TBC1D22A: variants seen among roughly 807,000 people sequenced by gnomAD.
The protein encoded by TBC1D22A is putative GTPase activator.
A neutral mutation model predicts 60.2 loss-of-function variants in TBC1D22A; 38 were observed. The observed-to-expected ratio is 0.63, with a 90% confidence interval of 0.49 to 0.83. TBC1D22A has a LOEUF of 0.83. Ranked by LOEUF, TBC1D22A falls within the 40% of genes least tolerant of loss-of-function variation. TBC1D22A has a pLI of 0.00. For synonymous variants in TBC1D22A, 302 were observed against 281.7 expected (o/e 1.07, Z -0.72); for missense variants, 628 against 701.0 (o/e 0.90, Z 1.18).
chr22:46,948,107 G>A (rs1286082976), intron 8 of TBC1D22A, among the ~76,000 whole-genome samples: 3 of 152,190 alleles, frequency 2.0e-5, no homozygotes, highest in African/African-American at 7.2e-5. Context: ...TGGGGTATTA[G>A]AGGCGAACAG....
intron 4 of TBC1D22A, among the ~76,000 whole-genome samples, chr22:46,815,928 G>T (rs2085576674): frequency 6.6e-6 from 1 of 152,138 alleles, no homozygotes; most frequent in Admixed American, 6.5e-5. Context: ...TGGAGCCCGT[G>T]GGGTATACCT....
intron 6 of TBC1D22A, 21 bp from the exon 7 acceptor site, chr22:46,894,763 C>G (rs770505450): frequency 6.2e-7 from 1 of 1,614,050 alleles, no homozygotes; most frequent in South Asian, 1.1e-5. Flanking sequence ...ACATAAATGT[C>G]CGTTTCTCCT....
intron 12 of TBC1D22A, among the ~76,000 whole-genome samples, chr22:47,145,253 A>T (rs1001373877): frequency 6.6e-6 from 1 of 152,110 alleles, no homozygotes; most frequent in Non-Finnish European, 1.5e-5. Flanking sequence ...CTCTGTGGAG[A>T]GGCTCGGCGT....
chr22:47,111,567 A>AAAATAC lies in TBC1D22A; in HGVS notation c.1389_1390insAAATAC (p.Arg463_Trp464insLysTyr). Reference sequence around the variant, plus strand: ...ACGTGTGCGCTGCTTTTCTCGTGAGATGGAGGAAGGAAATACTAGAAGAAA... The same window carrying AAAATAC: ...ACGTGTGCGCTGCTTTTCTCGTGAGAAAATACTGGAGGAAGGAAATACTAGAAGAAA... On this transcript the variant is annotated inframe_insertion, in exon 12 of 13. Transcript: ENST00000337137. 4 of 1,614,068 alleles carry AAAATAC rather than the reference A, an allele frequency of 2.5e-6. No individual in the cohort carries two copies. Among genetic ancestry groups the AAAATAC allele is most frequent in the Non-Finnish European group, 3.4e-6 (4 of 1,180,014 alleles).
At chr22:47,076,650 C>G (rs2064239568) in intron 11 of TBC1D22A, among the ~76,000 whole-genome samples, 1 of 151,976 alleles carries the variant, frequency 6.6e-6, no homozygotes, top group Admixed American at 6.6e-5. Flanking sequence ...CTTGTTCTCC[C>G]TCCCATTTTT....
At chr22:47,031,815 G>A (rs1181518258) in intron 10 of TBC1D22A, among the ~76,000 whole-genome samples, 2 of 152,110 alleles carry the variant, frequency 1.3e-5, no homozygotes, top group African/African-American at 4.8e-5. Context: ...CAGGTTAGCC[G>A]GCCATTGCAC....
chr22:47,133,501 C>T (rs1601620295), intron 12 of TBC1D22A, among the ~76,000 whole-genome samples: 1 of 152,188 alleles, frequency 6.6e-6, no homozygotes, highest in African/African-American at 2.4e-5. Context: ...TTTTGATTTT[C>T]ACTCCCAATG....
intron 3 of TBC1D22A, among the ~76,000 whole-genome samples, chr22:46,794,628 GGACA>G (rs1222471664): frequency 6.6e-6 from 1 of 150,580 alleles, no homozygotes; most frequent in Non-Finnish European, 1.5e-5. Context: ...CTGGTGAGAG[GGACA>G]GATGCAGCAC....
chr22:47,123,131 A>C (rs553490685), intron 12 of TBC1D22A, among the ~76,000 whole-genome samples: 10 of 152,118 alleles, frequency 6.6e-5, no homozygotes, highest in Non-Finnish European at 1.3e-4. Context: ...TCCGTCTGCC[A>C]AGACTTTGGG....
chr22:47,168,006 C>T (rs540482219), intron 12 of TBC1D22A, among the ~76,000 whole-genome samples: 2 of 152,330 alleles, frequency 1.3e-5, no homozygotes, highest in South Asian at 2.1e-4. Flanking sequence ...GAAACTGAGG[C>T]ATGGAGGGTT....
intron 10 of TBC1D22A, among the ~76,000 whole-genome samples, chr22:47,015,557 G>A (rs899514456): frequency 4.6e-5 from 7 of 152,216 alleles, no homozygotes; most frequent in Non-Finnish European, 1.0e-4. Context: ...TGAGCACAGA[G>A]AGCTCCAGAA....
chr22:47,069,584 C>G (rs1181186708), intron 11 of TBC1D22A, among the ~76,000 whole-genome samples: 1 of 152,272 alleles, frequency 6.6e-6, no homozygotes, highest in Non-Finnish European at 1.5e-5. Context: ...TGGAGCGGAG[C>G]TGACCTGACG....
intron 11 of TBC1D22A, among the ~76,000 whole-genome samples, chr22:47,056,293 T>A (rs1242418529): frequency 6.6e-6 from 1 of 151,996 alleles, no homozygotes; most frequent in African/African-American, 2.4e-5. Flanking sequence ...GCTTGCTGTT[T>A]AAAGGAATCT....
chr22:46,812,540 T>C (rs1360590118), intron 4 of TBC1D22A, among the ~76,000 whole-genome samples: 7 of 152,142 alleles, frequency 4.6e-5, no homozygotes, highest in African/African-American at 1.7e-4. Flanking sequence ...TCCCACCCCT[T>C]TGGGGACACT....
At chr22:46,951,547 A>C (rs905378882) in intron 8 of TBC1D22A, among the ~76,000 whole-genome samples, 1 of 152,200 alleles carries the variant, frequency 6.6e-6, no homozygotes, top group Non-Finnish European at 1.5e-5. Context: ...GCTGTATTTC[A>C]CGCCAGTTAG....
At chr22:46,930,622 ATTT>A (rs367772036) in intron 8 of TBC1D22A, among the ~76,000 whole-genome samples, 1 of 143,508 alleles carries the variant, frequency 7.0e-6, no homozygotes, top group African/African-American at 2.6e-5. Flanking sequence ...CGCCTGGCTA[ATTT>A]TTTTTTTTTT....
chr22:47,171,618 T>A (rs2068455584), intron 12 of TBC1D22A, among the ~76,000 whole-genome samples: 1 of 152,194 alleles, frequency 6.6e-6, no homozygotes, highest in Non-Finnish European at 1.5e-5. Flanking sequence ...CTCAGCCCTC[T>A]CTGATCCCTA....
intron 4 of TBC1D22A, among the ~76,000 whole-genome samples, chr22:46,819,423 T>C (rs918729655): frequency 6.6e-6 from 1 of 152,226 alleles, no homozygotes; most frequent in Non-Finnish European, 1.5e-5. Context: ...ACCTAGTTTA[T>C]TGAGAGTTTT....
rs150800440 is a variant in TBC1D22A, at chr22:47,143,136, G to A, written c.1426-30362G>A. Among the ~76,000 whole-genome samples the A allele has an allele frequency of 1.6e-3, 236 of 152,118 alleles. 2 individuals are homozygous for A. The South Asian group carries it at 0.02, about 13-fold the overall frequency. Reference sequence around the variant, plus strand: ...TGGCCTCAAAAGGACCTTTTCTCCTGGAAGCCCCCGTCTCTCTCTCTCCCA... The same window carrying A: ...TGGCCTCAAAAGGACCTTTTCTCCTAGAAGCCCCCGTCTCTCTCTCTCCCA... On this transcript the variant is annotated intron_variant, in intron 12 of 12. Transcript: ENST00000337137.
Sources: gnomAD v4.1 joint callset for allele counts (sites outside exome capture counted in the v4.1 genomes callset) on GRCh38, gnomAD v4.1.1 for gene constraint, MANE v1.5 for transcripts, NCBI Gene and HGNC (gene_info 2026-07-23, HGNC 2026-07-21) for gene names.